Variants in SEMA4F observed in about 807,000 individuals in gnomAD.
SEMA4F encodes ssemaphorin 4F.
In SEMA4F, 51 loss-of-function variants were observed where a neutral mutation model predicts 78.4. The ratio of observed to expected loss-of-function variants is 0.65; its 90% CI spans 0.52 to 0.82. The LOEUF (loss-of-function observed/expected upper bound fraction) is 0.82. Ranked by LOEUF, SEMA4F falls within the 40% of genes least tolerant of loss-of-function variation. The pLI, the probability that SEMA4F is intolerant of heterozygous loss-of-function variation, is 0.00. For synonymous variants in SEMA4F, 418 were observed against 408.7 expected, an observed-to-expected ratio of 1.02 and a Z score of -0.27; for missense variants, 938 against 1,014.4, an observed-to-expected ratio of 0.92 and a Z score of 1.02.
At chr2:74,654,575 A>C in intron 1 of SEMA4F, 54 bp downstream of exon 1, 2 of 1,418,266 alleles carry the variant, frequency 1.4e-6, no homozygotes, top group Non-Finnish European at 9.4e-7. Context: ...CCACACCCAC[A>C]CCCACCTGCT....
At chr2:74,698,178 T>C in the SEMA4F span, among the ~76,000 whole-genome samples, 1 of 152,182 alleles carries the variant, frequency 6.6e-6, no homozygotes, top group Non-Finnish European at 1.5e-5. Flanking sequence ...CTAAGAGTGA[T>C]GCTATGGGAA....
At chr2:74,664,126 A>G (rs1684568700) in intron 5 of SEMA4F, among the ~76,000 whole-genome samples, 1 of 152,204 alleles carries the variant, frequency 6.6e-6, no homozygotes, top group Non-Finnish European at 1.5e-5. Flanking sequence ...ACCACCCAAC[A>G]TGCACCTTCC....
intron 1 of SEMA4F, chr2:74,655,311 A>G: frequency 2.5e-6 from 1 of 403,818 alleles, no homozygotes; most frequent in Non-Finnish European, 5.1e-6. Flanking sequence ...TCCTTTGAAA[A>G]GATGTGGAAG....
chr2:74,654,620 C>A, intron 1 of SEMA4F, 99 bp downstream of exon 1: 1 of 1,104,816 alleles, frequency 9.1e-7, no homozygotes, highest in Non-Finnish European at 1.2e-6. Context: ...GGCCTCTCAG[C>A]CTGGTGTATG....
rs554701206 is a variant in SEMA4F at position 74,676,338 on chromosome 2, T to C, written c.1643+429T>C. Among the ~76,000 whole-genome samples, 27 of 152,330 alleles carry C rather than the reference T, an allele frequency of 1.8e-4. 2 individuals are homozygous for C. In the South Asian group the frequency reaches 5.6e-3, roughly 32 times the overall value. On this transcript the variant is annotated intron_variant, in intron 12 of 13. Transcript: ENST00000357877. ...CCTCAGGGTTCAGTCCTGGACCCAT[T>C]CTCTTCACACGTTCATGCACTCTCT...
downstream of SEMA4F, among the ~76,000 whole-genome samples, chr2:74,684,607 G>A (rs887035227): frequency 6.6e-6 from 1 of 152,130 alleles, no homozygotes; most frequent in Non-Finnish European, 1.5e-5. Context: ...GCAAGTTCAA[G>A]CAGATGGAGA....
intron 7 of SEMA4F, 111 bp downstream of exon 7, chr2:74,673,939 T>TC: frequency 7.7e-7 from 1 of 1,305,378 alleles, no homozygotes; most frequent in Non-Finnish European, 1.1e-6. Flanking sequence ...TCTCCTATTT[T>TC]CTCTGCCTTG....
chr2:74,669,616 A>G (rs1202542238), intron 5 of SEMA4F, among the ~76,000 whole-genome samples: 3 of 151,952 alleles, frequency 2.0e-5, no homozygotes, highest in Non-Finnish European at 4.4e-5. Context: ...CAACAACAAC[A>G]AAAACAAAAG....
chr2:74,709,328 T>C, the SEMA4F span, among the ~76,000 whole-genome samples: 2 of 152,164 alleles, frequency 1.3e-5, no homozygotes, highest in Non-Finnish European at 2.9e-5. Context: ...ATTTTTCAAG[T>C]CCTGAATGAA....
At chr2:74,685,044 G>C (rs1189713659), downstream of SEMA4F, among the ~76,000 whole-genome samples, 1 of 152,180 alleles carries the variant, frequency 6.6e-6, no homozygotes, top group Admixed American at 6.5e-5. Context: ...TGTCCTCTTT[G>C]TTTCTTTTTT....
the SEMA4F span, among the ~76,000 whole-genome samples, chr2:74,695,662 C>T: frequency 1.2e-4 from 19 of 152,294 alleles, no homozygotes; most frequent in Middle Eastern, 3.4e-3. Flanking sequence ...GACCAAATTG[C>T]TTTCTAAAAG....
intron 7 of SEMA4F, 148 bp downstream of exon 7, chr2:74,673,976 G>GA: frequency 1.4e-5 from 13 of 951,430 alleles, no homozygotes; most frequent in Admixed American, 4.8e-5. Flanking sequence ...CTTGAGGAAT[G>GA]TGAGAGAGAG....
At chr2:74,703,209 C>T in the SEMA4F span, among the ~76,000 whole-genome samples, 670 of 152,302 alleles carry the variant, frequency 4.4e-3, 5 homozygotes, top group African/African-American at 0.015. Context: ...TGGGACCTAA[C>T]GTCATCTTCT....
rs1244381160 is a variant in SEMA4F at position 74,682,556 on chromosome 2, G to T, written c.*2347G>T. ...GCTGCTGGTTTCTAGGTTTTAGGAG[G>T]CAGATCTATGATTTTTGTAATCCTC... On this transcript the variant is annotated 3_prime_UTR_variant, in exon 14 of 14. Coordinates refer to ENST00000357877, the MANE Select transcript of SEMA4F (RefSeq NM_004263.5). The T allele has an allele frequency of 6.6e-6, 1 of 152,230 alleles. No homozygotes were observed. Among genetic ancestry groups the T allele is most frequent in the Non-Finnish European group, 1.5e-5 (1 of 68,104 alleles). 9.4% of individuals were successfully genotyped at this position (152,230 alleles called of 1,614,324 possible). A position where few individuals can be genotyped will look rare whatever the true frequency, so the allele number is the denominator to read the frequency against.
intron 4 of SEMA4F, among the ~76,000 whole-genome samples, chr2:74,661,127 G>T (rs754200328): frequency 6.6e-6 from 1 of 152,180 alleles, no homozygotes. Context: ...GTGCATAAGG[G>T]TTAAAGAGAA....
intron 4 of SEMA4F, 62 bp from the exon 5 acceptor site, chr2:74,662,670 G>A: frequency 7.4e-7 from 1 of 1,352,454 alleles, no homozygotes; most frequent in Non-Finnish European, 1.1e-6. Flanking sequence ...GACCATCTTT[G>A]TAATTCTCAC....
intron 5 of SEMA4F, 146 bp downstream of exon 5, chr2:74,662,971 G>T (rs970482275): frequency 2.7e-6 from 2 of 729,476 alleles, no homozygotes; most frequent in Admixed American, 4.4e-5. Context: ...TTCCCTGAGT[G>T]CCTGTGTAAC....
At chr2:74,655,517 A>G (rs1363323229) in intron 1 of SEMA4F, 2 of 159,686 alleles carry the variant, frequency 1.3e-5, no homozygotes, top group Non-Finnish European at 2.9e-5. Context: ...ACTGGTTAAT[A>G]GTAGTTTAGA....
the SEMA4F span, among the ~76,000 whole-genome samples, chr2:74,688,901 T>C: frequency 1.3e-5 from 2 of 152,184 alleles, no homozygotes; most frequent in African/African-American, 2.4e-5. Context: ...TTGGGGGGTG[T>C]TCATTAAATA....
Sources: gnomAD v4.1 joint callset for allele counts (sites outside exome capture counted in the v4.1 genomes callset) on GRCh38, gnomAD v4.1.1 for gene constraint, MANE v1.5 for transcripts, NCBI Gene and HGNC (gene_info 2026-07-23, HGNC 2026-07-21) for gene names.